JAKMIP2: variants seen among roughly 807,000 people sequenced by gnomAD.
The protein encoded by JAKMIP2 is janus kinase and microtubule interacting protein 2, also known as janus kinase and microtubule-interacting protein 2.
A neutral mutation model predicts 115.0 loss-of-function variants in JAKMIP2; 25 were observed. The observed-to-expected ratio is 0.22, with a 90% CI of 0.16 to 0.30. The LOEUF (loss-of-function observed/expected upper bound fraction) is 0.30, where lower values mean the gene tolerates loss of function less well. Ranked by LOEUF, JAKMIP2 falls within the 10% of genes least tolerant of loss-of-function variation. The probability of loss-of-function intolerance (pLI) is 1.00; values close to 1 mark genes in which losing one functional copy is unlikely to be tolerated. For missense variants in JAKMIP2, 642 were observed against 957.6 expected, an observed-to-expected ratio of 0.67 and a Z score of 4.35; for synonymous variants, 334 against 343.6, an observed-to-expected ratio of 0.97 and a Z score of 0.31.
At chr5:147,722,671 T>G (rs1178069851) in intron 1 of JAKMIP2, among the ~76,000 whole-genome samples, 1 of 152,196 alleles carries the variant, frequency 6.6e-6, no homozygotes, top group Non-Finnish European at 1.5e-5. Context: ...AATATTTCGG[T>G]ATTATTAGAA....
rs1217806090 is a variant in JAKMIP2 at position 147,587,893 on chromosome 5, C to T, written c.*3814G>A. The T allele has an allele frequency of 1.3e-5, 2 of 151,440 alleles. No individual in the cohort carries two copies. The highest frequency in any genetic ancestry group is 4.9e-5 in the African/African-American group (2 of 41,110). The allele number at this position is 151,440 out of a possible 1,614,324, so 9.4% of individuals were successfully genotyped here. A position where few individuals can be genotyped will look rare whatever the true frequency, so the allele number is the denominator to read the frequency against. On this transcript the variant is annotated 3_prime_UTR_variant, in exon 22 of 22. Coordinates refer to ENST00000616793, the MANE Select transcript of JAKMIP2 (RefSeq NM_001270941.2). ...ACCCAGGCCTTCTATATCAGCTCTACCTTATGGACTTGGGAAGACACATAC... is the reference window on the plus strand; with the variant it reads ...ACCCAGGCCTTCTATATCAGCTCTATCTTATGGACTTGGGAAGACACATAC...
chr5:147,626,310 C>A (rs1468295571), intron 16 of JAKMIP2, among the ~76,000 whole-genome samples: 1 of 152,162 alleles, frequency 6.6e-6, no homozygotes, highest in Non-Finnish European at 1.5e-5. Flanking sequence ...AGAGTCATCA[C>A]CCTGTATTTG....
At chr5:147,677,340 T>G (rs1760024428) in intron 1 of JAKMIP2, among the ~76,000 whole-genome samples, 2 of 152,192 alleles carry the variant, frequency 1.3e-5, no homozygotes, top group South Asian at 4.1e-4. Context: ...ATGCTTAAAT[T>G]GAATAAGAAT....
intron 21 of JAKMIP2, chr5:147,595,452 C>T (rs559018929): frequency 9.2e-5 from 42 of 456,918 alleles, no homozygotes; most frequent in South Asian, 6.1e-5. Flanking sequence ...GATGCAACAA[C>T]AAGGCGCCAT....
chr5:147,727,981 C>T lies in JAKMIP2; in HGVS notation c.-149+54475G>A, dbSNP rs1393318242. Among the ~76,000 whole-genome samples, 10 of 152,230 alleles carry T rather than the reference C, an allele frequency of 6.6e-5. No homozygotes were observed. The East Asian group carries it at 7.7e-4, about 12-fold the overall frequency. ...GCCACAGACTGCGTTTTGGGAAAAACGTCTATTTTCCTCATGAAACCCCAG... is the reference window on the plus strand; with the variant it reads ...GCCACAGACTGCGTTTTGGGAAAAATGTCTATTTTCCTCATGAAACCCCAG... On this transcript the variant is annotated intron_variant, in intron 1 of 21. Transcript: ENST00000616793.
chr5:147,749,542 C>T (rs955224685), intron 1 of JAKMIP2, among the ~76,000 whole-genome samples: 4 of 152,306 alleles, frequency 2.6e-5, no homozygotes, highest in African/African-American at 9.6e-5. Flanking sequence ...TTCTGTGTCA[C>T]TTGACACTCT....
At chr5:147,603,334 T>C (rs543972318) in intron 20 of JAKMIP2, among the ~76,000 whole-genome samples, 2 of 152,358 alleles carry the variant, frequency 1.3e-5, no homozygotes, top group African/African-American at 4.8e-5. Flanking sequence ...GATGAAATGA[T>C]GGCAGTGGAA....
At chr5:147,716,664 T>C (rs1753013985) in intron 1 of JAKMIP2, among the ~76,000 whole-genome samples, 1 of 149,754 alleles carries the variant, frequency 6.7e-6, no homozygotes, top group Admixed American at 6.6e-5. Context: ...TGTCTGTTCA[T>C]GTCCTTCGCC....
chr5:147,674,868 T>C (rs1759841710), intron 1 of JAKMIP2, among the ~76,000 whole-genome samples: 1 of 152,206 alleles, frequency 6.6e-6, no homozygotes, highest in African/African-American at 2.4e-5. Flanking sequence ...TTTAGGAAGG[T>C]AACTGTCAGT....
chr5:147,595,650 T>A (rs1426259446), intron 21 of JAKMIP2: 3 of 374,698 alleles, frequency 8.0e-6, no homozygotes, highest in Non-Finnish European at 1.6e-5. Flanking sequence ...TATGCAGAAT[T>A]GTTGTAAGTA....
At chr5:147,737,850 C>A (rs78803913) in intron 1 of JAKMIP2, among the ~76,000 whole-genome samples, 28 of 152,144 alleles carry the variant, frequency 1.8e-4, no homozygotes, top group Non-Finnish European at 2.9e-4. Flanking sequence ...CTTTACAGAA[C>A]GTTAGATTTA....
intron 1 of JAKMIP2, among the ~76,000 whole-genome samples, chr5:147,717,754 A>G (rs1474399516): frequency 1.0e-4 from 15 of 145,174 alleles, no homozygotes; most frequent in Admixed American, 2.1e-4. Context: ...GGGCTGAGAC[A>G]ATGGGGTTTT....
chr5:147,675,770 G>A (rs1461591886), intron 1 of JAKMIP2, among the ~76,000 whole-genome samples: 1 of 143,914 alleles, frequency 6.9e-6, no homozygotes, highest in East Asian at 2.1e-4. Context: ...TTGTATAAGT[G>A]GAATCATATG....
intron 20 of JAKMIP2, among the ~76,000 whole-genome samples, chr5:147,607,291 TATG>T (rs1756068207): frequency 6.6e-6 from 1 of 152,232 alleles, no homozygotes; most frequent in Admixed American, 6.5e-5. Context: ...GCCCATTCAG[TATG>T]ATATTGGCTG....
chr5:147,730,942 C>T lies in JAKMIP2; in HGVS notation c.-149+51514G>A, dbSNP rs141843104. On this transcript the variant is annotated intron_variant, in intron 1 of 21. Coordinates refer to ENST00000616793, the MANE Select transcript of JAKMIP2 (RefSeq NM_001270941.2). ...TCTCTCCCCCACTGCAAGACTGTCA[C>T]AGTGGTCCCTATATTTATCATGATG... 4.7e-3 allele frequency among the ~76,000 whole-genome samples: 711 copies of T among 152,300 alleles called. 4 individuals are homozygous for T. Among genetic ancestry groups the T allele is most frequent in the African/African-American group, 0.016 (682 of 41,570 alleles).
chr5:147,652,021 G>A (rs900586918), intron 3 of JAKMIP2, among the ~76,000 whole-genome samples: 20 of 152,054 alleles, frequency 1.3e-4, no homozygotes, highest in African/African-American at 2.7e-4. Context: ...TAAACTTGTC[G>A]AGAAATCATT....
chr5:147,636,227 C>T lies in JAKMIP2; in HGVS notation c.1672G>A (p.Glu558Lys). ...GGGTGTTGTGCCCAACATACCTTTT[C>T]TAAAAGCTCCTGGTTTCTCTTAATG... ...LFIKRNQELL[E>K]KIEKQEAENH... The change falls in exon 12 of 22, where the codon GAA (glutamate) becomes AAA (lysine). Residue 558 changes from glutamate (E) to lysine (K), a missense_variant. Physicochemically the swap from Glu to Lys is moderately conservative, Grantham distance 56. Coordinates refer to ENST00000616793, the MANE Select transcript of JAKMIP2 (RefSeq NM_001270941.2). 6.2e-7 allele frequency: 1 copy of T among 1,613,494 alleles called. No homozygotes were observed. The highest frequency in any genetic ancestry group is 8.5e-7 in the Non-Finnish European group (1 of 1,179,420).
chr5:147,728,075 G>A (rs548520183), intron 1 of JAKMIP2, among the ~76,000 whole-genome samples: 14 of 152,096 alleles, frequency 9.2e-5, no homozygotes, highest in Non-Finnish European at 1.6e-4. Context: ...TTTATCTGAC[G>A]TTTTTTGACT....
At chr5:147,717,364 T>G (rs1753048475) in intron 1 of JAKMIP2, among the ~76,000 whole-genome samples, 1 of 146,974 alleles carries the variant, frequency 6.8e-6, no homozygotes, top group South Asian at 2.3e-4. Context: ...TTAAAGTAGT[T>G]TTTTCCAATT....
Sources: allele counts gnomAD v4.1 joint callset (sites outside exome capture counted in the v4.1 genomes callset), GRCh38; gene constraint gnomAD v4.1.1; transcripts MANE v1.5; gene names NCBI Gene and HGNC (gene_info 2026-07-23, HGNC 2026-07-21).